Variants in DYM observed in about 807,000 individuals in gnomAD.
The protein encoded by DYM is dyggve-Melchior-Clausen syndrome protein.
DYM carries 78 observed loss-of-function variants against 93.1 expected under a neutral mutation model. The ratio of observed to expected loss-of-function variants is 0.84; its 90% CI spans 0.70 to 1.01. The LOEUF (loss-of-function observed/expected upper bound fraction) is 1.01. DYM is among the 50% of genes least tolerant of loss of function. The pLI, the probability that DYM is intolerant of heterozygous loss-of-function variation, is 0.00. For synonymous variants in DYM, 321 were observed against 319.7 expected (o/e 1.00, Z -0.04); for missense variants, 789 against 845.0 (o/e 0.93, Z 0.82).
rs2070893486 is a variant in DYM, at chr18:49,041,032, T to C, written c.*3023A>G. ...TGTGCTTTCCTTCCAGAGAGAACTGTGTGTGCAGTGTACTTTCTATGCTTC... is the reference window on the plus strand; with the variant it reads ...TGTGCTTTCCTTCCAGAGAGAACTGCGTGTGCAGTGTACTTTCTATGCTTC... On this transcript the variant is annotated 3_prime_UTR_variant, in exon 18 of 18. Transcript: ENST00000675505. 6.6e-6 allele frequency among the ~76,000 whole-genome samples: 1 copy of C among 152,194 alleles called. No individual in the cohort carries two copies. Among genetic ancestry groups the C allele is most frequent in the African/African-American group, 2.4e-5 (1 of 41,446 alleles).
chr18:49,216,587 G>A (rs12954773), intron 13 of DYM, among the ~76,000 whole-genome samples: 57,242 of 151,990 alleles, frequency 0.38, 12,755 homozygotes, highest in Middle Eastern at 0.59. Context: ...AGCAGCATTC[G>A]TGGTTCATGA....
chr18:49,329,159 T>C lies in DYM; in HGVS notation c.763+2705A>G, dbSNP rs192854499. On this transcript the variant is annotated intron_variant, in intron 8 of 17. Coordinates refer to ENST00000675505, the MANE Select transcript of DYM (RefSeq NM_001353214.3). The stretch of plus-strand genomic sequence containing the variant: ...GGGACATGGATGAAGCTGGAAACCA[T>C]CATTCTGAGCAAACTATTGCAAGGA... 5.3e-3 allele frequency among the ~76,000 whole-genome samples: 803 copies of C among 151,986 alleles called. 10 individuals are homozygous for C. Among genetic ancestry groups the C allele is most frequent in the African/African-American group, 0.018 (753 of 41,456 alleles).
Position 49,351,926 on chromosome 18 carries a change from T to G in DYM, c.494+11235A>C, listed in dbSNP as rs145340072. 1.8e-3 allele frequency among the ~76,000 whole-genome samples: 277 copies of G among 152,278 alleles called. 2 individuals are homozygous for G. The highest frequency in any genetic ancestry group is 6.0e-3 in the African/African-American group (249 of 41,560). Reference sequence around the variant, plus strand: ...GAAGAGGAATCCCAGATGACACAGCTATGTGATAGCCCTAGAAAGCAACCA... The same window carrying G: ...GAAGAGGAATCCCAGATGACACAGCGATGTGATAGCCCTAGAAAGCAACCA... On this transcript the variant is annotated intron_variant, in intron 6 of 17. Transcript: ENST00000675505.
chr18:49,275,614 T>A (rs866158887), intron 10 of DYM, among the ~76,000 whole-genome samples: 8 of 152,124 alleles, frequency 5.3e-5, no homozygotes, highest in Admixed American at 1.3e-4. Flanking sequence ...TGGTGGCTCA[T>A]GCCTGTAATC....
At chr18:49,061,843 C>T (rs754200812) in intron 17 of DYM, among the ~76,000 whole-genome samples, 1 of 152,202 alleles carries the variant, frequency 6.6e-6, no homozygotes, top group Non-Finnish European at 1.5e-5. Context: ...AATAGTCAAA[C>T]TTCATATGTT....
At chr18:49,270,909 C>A (rs943026999) in intron 11 of DYM, among the ~76,000 whole-genome samples, 1 of 152,068 alleles carries the variant, frequency 6.6e-6, no homozygotes, top group Non-Finnish European at 1.5e-5. Context: ...AGCCCTGCCC[C>A]CTTCTCCTAT....
chr18:49,105,342 T>A (rs981132022), intron 16 of DYM, among the ~76,000 whole-genome samples: 1 of 152,218 alleles, frequency 6.6e-6, no homozygotes, highest in Non-Finnish European at 1.5e-5. Flanking sequence ...ATTTTGTTGA[T>A]CTTTTCAAAA....
chr18:49,322,314 A>T lies in DYM; in HGVS notation c.763+9550T>A, dbSNP rs141864114. Among the ~76,000 whole-genome samples the T allele has an allele frequency of 1.1e-3, 173 of 152,286 alleles. 2 individuals carry two copies. The highest frequency in any genetic ancestry group is 2.3e-3 in the Non-Finnish European group (153 of 67,970). ...GTGGTGGAAAGTGAAGTTTGGCAGAACACATTTAATTAGATTTGACTCTTC... is the reference window on the plus strand; with the variant it reads ...GTGGTGGAAAGTGAAGTTTGGCAGATCACATTTAATTAGATTTGACTCTTC... On this transcript the variant is annotated intron_variant, in intron 8 of 17. Transcript: ENST00000675505.
intron 13 of DYM, among the ~76,000 whole-genome samples, chr18:49,244,210 C>T (rs1007627308): frequency 7.2e-5 from 11 of 152,160 alleles, no homozygotes; most frequent in Non-Finnish European, 1.3e-4. Context: ...CTTGGGAGAA[C>T]TGAGGAAATC....
chr18:49,460,212 C>G (rs2083380920), intron 1 of DYM, among the ~76,000 whole-genome samples, 186 bp downstream of exon 1: 1 of 152,184 alleles, frequency 6.6e-6, no homozygotes, highest in Non-Finnish European at 1.5e-5. Flanking sequence ...GAGGTCCGTC[C>G]GCTGTCAGCA....
At chr18:49,324,185 G>T (rs2062726043) in intron 8 of DYM, among the ~76,000 whole-genome samples, 2 of 146,738 alleles carry the variant, frequency 1.4e-5, no homozygotes, top group Admixed American at 1.4e-4. Flanking sequence ...AACACGGCAG[G>T]GTGATGTGCT....
intron 8 of DYM, among the ~76,000 whole-genome samples, chr18:49,305,703 A>G (rs1035478391): frequency 6.6e-6 from 1 of 152,210 alleles, no homozygotes; most frequent in Non-Finnish European, 1.5e-5. Context: ...CACAGTGTAC[A>G]AATATGTAAA....
intron 1 of DYM, among the ~76,000 whole-genome samples, chr18:49,441,793 C>A (rs2081652578): frequency 6.6e-6 from 1 of 151,998 alleles, no homozygotes; most frequent in South Asian, 2.1e-4. Flanking sequence ...GAGCGAGAGA[C>A]AGGGCACTGG....
intron 14 of DYM, among the ~76,000 whole-genome samples, chr18:49,170,709 G>A (rs1246320946): frequency 6.8e-6 from 1 of 147,682 alleles, no homozygotes; most frequent in Non-Finnish European, 1.5e-5. Flanking sequence ...AACCTGGGAG[G>A]CAGAGGTTGC....
chr18:49,130,468 A>T (rs1003361344), intron 15 of DYM, among the ~76,000 whole-genome samples: 31 of 152,240 alleles, frequency 2.0e-4, no homozygotes, highest in African/African-American at 7.5e-4. Flanking sequence ...ACCTGAGTCC[A>T]TAAGTCCATA....
intron 16 of DYM, among the ~76,000 whole-genome samples, chr18:49,110,095 C>A (rs1212094465): frequency 2.0e-5 from 3 of 152,144 alleles, no homozygotes; most frequent in African/African-American, 7.2e-5. Context: ...ATAGCCATAC[C>A]CACTTGTTTA....
chr18:49,417,388 G>C (rs993196364), intron 2 of DYM, among the ~76,000 whole-genome samples: 1 of 152,008 alleles, frequency 6.6e-6, no homozygotes, highest in Non-Finnish European at 1.5e-5. Context: ...AGTCTCAAAA[G>C]ATCCTCCTGC....
At chr18:49,200,469 T>A (rs1169735647) in intron 14 of DYM, among the ~76,000 whole-genome samples, 1 of 151,854 alleles carries the variant, frequency 6.6e-6, no homozygotes, top group African/African-American at 2.4e-5. Flanking sequence ...TAGAAGCTTA[T>A]ATTCTTTTTT....
intron 1 of DYM, among the ~76,000 whole-genome samples, chr18:49,443,632 C>T (rs1413914676): frequency 6.6e-6 from 1 of 152,076 alleles, no homozygotes. Flanking sequence ...TCACAATATC[C>T]CGATATGCCC....
Sources: allele counts gnomAD v4.1 joint callset (sites outside exome capture counted in the v4.1 genomes callset), GRCh38; gene constraint gnomAD v4.1.1; transcripts MANE v1.5; gene names NCBI Gene and HGNC (gene_info 2026-07-23, HGNC 2026-07-21).